Variants in CCM2 observed in about 807,000 individuals in gnomAD.
CCM2 encodes the protein cerebral cavernous malformations 2 protein.
In CCM2, 25 loss-of-function variants were observed where a neutral mutation model predicts 44.9. The ratio of observed to expected loss-of-function variants is 0.56; its 90% confidence interval spans 0.41 to 0.78. The LOEUF is 0.78. Among genes scored for constraint, CCM2 ranks in the 30% least tolerant of loss-of-function variants. The pLI is 0.00. For missense variants in CCM2, 481 were observed against 580.6 expected, an observed-to-expected ratio of 0.83 and a Z score of 1.76; for synonymous variants, 219 against 241.1, an observed-to-expected ratio of 0.91 and a Z score of 0.85.
chr7:45,072,121 G>A (rs1799109010), intron 6 of CCM2: 1 of 344,482 alleles, frequency 2.9e-6, no homozygotes, highest in Non-Finnish European at 5.7e-6. Flanking sequence ...GGTGTGAAAT[G>A]TGCCTTCCTC....
intron 1 of CCM2, among the ~76,000 whole-genome samples, chr7:45,013,594 A>C (rs1449159676): frequency 6.6e-6 from 1 of 152,192 alleles, no homozygotes; most frequent in African/African-American, 2.4e-5. Context: ...ATTGACATCC[A>C]TTTGATCTTG....
intron 1 of CCM2, among the ~76,000 whole-genome samples, chr7:45,009,603 C>A (rs1269473108): frequency 6.6e-6 from 1 of 151,992 alleles, no homozygotes; most frequent in Non-Finnish European, 1.5e-5. Flanking sequence ...AGGGTTTCAC[C>A]ATGTTGGTGG....
chr7:45,068,016 G>C lies in CCM2; in HGVS notation c.473-427G>C. ...AGGATGTTAGAAACAAGGGCACTGG[G>C]GTCTGACCGTCTAGATTGCCATGTG... On this transcript the variant is annotated intron_variant, in intron 4 of 9. Coordinates refer to ENST00000258781, the MANE Select transcript of CCM2 (RefSeq NM_031443.4). 3 of 265,524 alleles carry C rather than the reference G, an allele frequency of 1.1e-5. No homozygotes were observed. The South Asian group carries it at 1.2e-4, about 11-fold the overall frequency. 16.4% of individuals were successfully genotyped at this position (265,524 alleles called of 1,614,324 possible). A position where few individuals can be genotyped will look rare whatever the true frequency, so the allele number is the denominator to read the frequency against.
intron 1 of CCM2, among the ~76,000 whole-genome samples, chr7:45,012,494 A>G (rs1796105218): frequency 6.6e-6 from 1 of 152,078 alleles, no homozygotes; most frequent in African/African-American, 2.4e-5. Context: ...ATTTCTAGTA[A>G]GACTTCTTGT....
intron 4 of CCM2, among the ~76,000 whole-genome samples, chr7:45,067,212 A>G (rs1484166458): frequency 1.5e-5 from 2 of 137,096 alleles, no homozygotes; most frequent in African/African-American, 5.4e-5. Context: ...TTTTTTTTTG[A>G]GACAAGTTTG....
At chr7:45,053,724 A>G (rs1004646814) in intron 2 of CCM2, among the ~76,000 whole-genome samples, 1 of 152,312 alleles carries the variant, frequency 6.6e-6, no homozygotes, top group South Asian at 2.1e-4. Context: ...TGGCCAGTAC[A>G]GAGCTTCCCA....
At chr7:45,004,446 G>A (rs571331726) in intron 1 of CCM2, among the ~76,000 whole-genome samples, 3 of 152,182 alleles carry the variant, frequency 2.0e-5, no homozygotes, top group South Asian at 2.1e-4. Flanking sequence ...ATAATAAAAA[G>A]TGGAGGGGAA....
chr7:45,031,227 C>CA (rs1482719265), intron 1 of CCM2, among the ~76,000 whole-genome samples: 3 of 150,810 alleles, frequency 2.0e-5, no homozygotes, highest in African/African-American at 7.3e-5. Flanking sequence ...TATAAAAATA[C>CA]AAAAATTAGC....
chr7:45,038,467 A>G, intron 2 of CCM2, 41 bp downstream of exon 2: 1 of 1,602,944 alleles, frequency 6.2e-7, no homozygotes, highest in Middle Eastern at 1.8e-4. Flanking sequence ...GCCAAACGAC[A>G]GTGACGGTCA....
rs563357352 is a variant in CCM2, at chr7:45,036,690, T to C, written c.31-1563T>C. 1.3e-4 allele frequency among the ~76,000 whole-genome samples: 20 copies of C among 152,332 alleles called. No individual in the cohort carries two copies. In the South Asian group the frequency reaches 3.7e-3, roughly 28 times the overall value. ...TGGTGGGTTTGAGGAGGTGTCCTTA[T>C]AGGACCACAGGTTCTGCTACACCGT... is the stretch of plus-strand genomic sequence containing the variant. On this transcript the variant is annotated intron_variant, in intron 1 of 9. Transcript: ENST00000258781.
intron 1 of CCM2, among the ~76,000 whole-genome samples, chr7:45,001,036 T>G (rs1795599455): frequency 6.6e-6 from 1 of 152,266 alleles, no homozygotes; most frequent in African/African-American, 2.4e-5. Flanking sequence ...AAATGTATCT[T>G]TTTCAAATAA....
At chr7:45,059,011 C>T (rs998513387) in intron 2 of CCM2, among the ~76,000 whole-genome samples, 1 of 151,492 alleles carries the variant, frequency 6.6e-6, no homozygotes, top group Non-Finnish European at 1.5e-5. Context: ...TCTCAAAGTG[C>T]TGGGATTACA....
chr7:45,046,115 A>G (rs761224071), intron 2 of CCM2, among the ~76,000 whole-genome samples: 1 of 152,238 alleles, frequency 6.6e-6, no homozygotes, highest in African/African-American at 2.4e-5. Flanking sequence ...AAGTCATCCA[A>G]TATGAAATAA....
chr7:45,012,501 T>G (rs1046473008), intron 1 of CCM2, among the ~76,000 whole-genome samples: 1 of 152,202 alleles, frequency 6.6e-6, no homozygotes, highest in African/African-American at 2.4e-5. Context: ...GTAAGACTTC[T>G]TGTCCCAATC....
chr7:45,064,035 C>G lies in CCM2; in HGVS notation c.288+34C>G, dbSNP rs759602164. ...ATCCTCTTAACCCTGTGCACTAGCCCTCAGCCCCCACCAGCCCTTGGTCCC... is the reference window on the plus strand; with the variant it reads ...ATCCTCTTAACCCTGTGCACTAGCCGTCAGCCCCCACCAGCCCTTGGTCCC... On this transcript the variant is annotated intron_variant, in intron 3 of 9. Transcript: ENST00000258781. The G allele has an allele frequency of 1.0e-5, 15 of 1,451,966 alleles. No homozygotes were observed. The Admixed American group carries it at 2.0e-4, about 19-fold the overall frequency. The allele number at this position is 1,451,966 out of a possible 1,614,324, so 89.9% of individuals were successfully genotyped here. A position where few individuals can be genotyped will look rare whatever the true frequency, so the allele number is the denominator to read the frequency against.
At chr7:45,056,996 G>A (rs948313722) in intron 2 of CCM2, among the ~76,000 whole-genome samples, 2 of 152,102 alleles carry the variant, frequency 1.3e-5, no homozygotes, top group African/African-American at 4.8e-5. Flanking sequence ...TGTAAATATT[G>A]TTAGGTAAAT....
chr7:45,043,591 TG>T, intron 2 of CCM2: 1 of 297,170 alleles, frequency 3.4e-6, no homozygotes, highest in Non-Finnish European at 6.4e-6. Context: ...ATTGTGCCAC[TG>T]CACTCCAGCC....
chr7:45,001,834 C>T (rs1481827495), intron 1 of CCM2, among the ~76,000 whole-genome samples: 1 of 152,088 alleles, frequency 6.6e-6, no homozygotes, highest in Non-Finnish European at 1.5e-5. Context: ...CAAGAATTTT[C>T]CAGTTGGGTA....
intron 2 of CCM2, among the ~76,000 whole-genome samples, chr7:45,046,473 G>A (rs1189241322): frequency 2.0e-5 from 3 of 152,184 alleles, no homozygotes; most frequent in East Asian, 1.9e-4. Context: ...CTTGACAAAG[G>A]TTCATAAGCA....
Sources: gnomAD v4.1 joint callset for allele counts (sites outside exome capture counted in the v4.1 genomes callset) on GRCh38, gnomAD v4.1.1 for gene constraint, MANE v1.5 for transcripts, NCBI Gene and HGNC (gene_info 2026-07-23, HGNC 2026-07-21) for gene names.